DNAI1: variants seen among roughly 807,000 people sequenced by gnomAD.
The protein encoded by DNAI1 is dynein axonemal intermediate chain 1.
DNAI1 carries 67 observed loss-of-function variants against 92.0 expected under a neutral mutation model. The ratio of observed to expected loss-of-function variants is 0.73; its 90% CI spans 0.60 to 0.89. The LOEUF is 0.89. Among genes scored for constraint, DNAI1 ranks in the 40% least tolerant of loss-of-function variants. The pLI is 0.00. For missense variants in DNAI1, 839 were observed against 866.6 expected (o/e 0.97, Z 0.40); for synonymous variants, 323 against 319.6 (o/e 1.01, Z -0.11).
chr9:34,500,242 G>GC (rs1281959789), intron 10 of DNAI1, among the ~76,000 whole-genome samples: 1 of 152,142 alleles, frequency 6.6e-6, no homozygotes, highest in African/African-American at 2.4e-5. Flanking sequence ...GGGGATCTAG[G>GC]CAGCTTCATT....
At chr9:34,499,268 T>G (rs1824780582) in intron 10 of DNAI1, among the ~76,000 whole-genome samples, 1 of 152,218 alleles carries the variant, frequency 6.6e-6, no homozygotes, top group South Asian at 2.1e-4. Flanking sequence ...TTTTTGAGGT[T>G]TGAGTGAAGT....
At chr9:34,493,447 G>T in intron 9 of DNAI1, 119 bp downstream of exon 9, 2 of 1,385,648 alleles carry the variant, frequency 1.4e-6, no homozygotes, top group Non-Finnish European at 2.0e-6. Flanking sequence ...AGGGACTAAT[G>T]TTGAGATATA....
intron 13 of DNAI1, among the ~76,000 whole-genome samples, chr9:34,510,357 G>A (rs1270959909): frequency 6.6e-6 from 1 of 152,218 alleles, no homozygotes; most frequent in Middle Eastern, 3.2e-3. Flanking sequence ...GGGTGTGTGT[G>A]TGTGTGCGTG....
chr9:34,459,159 C>T, intron 1 of DNAI1, 106 bp downstream of exon 1: 1 of 1,111,026 alleles, frequency 9.0e-7, no homozygotes, highest in Non-Finnish European at 1.4e-6. Flanking sequence ...CTGTTGACCC[C>T]AGCCTTCTCA....
chr9:34,470,883 A>G (rs762982136), intron 1 of DNAI1, among the ~76,000 whole-genome samples: 35 of 152,226 alleles, frequency 2.3e-4, no homozygotes, highest in Non-Finnish European at 4.3e-4. Flanking sequence ...ACTTAATTCA[A>G]ATTCAACATC....
chr9:34,483,332 T>A, intron 1 of DNAI1, 116 bp from the exon 2 acceptor site: 1 of 1,001,812 alleles, frequency 1.0e-6, no homozygotes, highest in Non-Finnish European at 1.5e-6. Context: ...CAGCACGCTG[T>A]CACCTCTCAC....
At chr9:34,503,420 A>G (rs1311321880) in intron 12 of DNAI1, among the ~76,000 whole-genome samples, 1 of 152,162 alleles carries the variant, frequency 6.6e-6, no homozygotes, top group Non-Finnish European at 1.5e-5. Context: ...AAGCTCCCAG[A>G]TACCACCCTC....
At chr9:34,502,554 G>C (rs142838771) in intron 12 of DNAI1, among the ~76,000 whole-genome samples, 3 of 152,128 alleles carry the variant, frequency 2.0e-5, no homozygotes, top group African/African-American at 7.2e-5. Context: ...ACCCAGGTTC[G>C]GAAGCAGGCT....
chr9:34,500,710 T>C lies in DNAI1; in HGVS notation c.902-12T>C. 1.2e-6 allele frequency: 2 copies of C among 1,600,722 alleles called. No individual in the cohort carries two copies. Among genetic ancestry groups the C allele is most frequent in the Non-Finnish European group, 1.7e-6 (2 of 1,168,498 alleles). ...GCAGTCCCAGGGCTGACTCTGCCTG[T>C]GTGTGTTTAAGATTTTAAGTACTAT... On this transcript the variant is annotated splice_polypyrimidine_tract_variant and intron_variant, in intron 10 of 19. Transcript: ENST00000242317.
intron 9 of DNAI1, among the ~76,000 whole-genome samples, chr9:34,495,034 A>C (rs899935731): frequency 6.6e-6 from 1 of 152,176 alleles, no homozygotes; most frequent in East Asian, 1.9e-4. Flanking sequence ...AGGGGAGAAA[A>C]GATAAAAACT....
intron 14 of DNAI1, 30 bp from the exon 15 acceptor site, chr9:34,512,307 C>T: frequency 2.5e-6 from 4 of 1,612,756 alleles, no homozygotes; most frequent in African/African-American, 1.3e-5. Flanking sequence ...ACGTGCCCTC[C>T]CCCCCACATC....
At chr9:34,470,756 A>G (rs181423537) in intron 1 of DNAI1, among the ~76,000 whole-genome samples, 1 of 152,354 alleles carries the variant, frequency 6.6e-6, no homozygotes, top group East Asian at 1.9e-4. Flanking sequence ...ACTATACTCA[A>G]GAACAGTAGA....
At position 34,513,109 on chromosome 9, in the gene DNAI1, A is replaced by G. The variant is rs1825102149; in HGVS notation, c.1490-3A>G. ...TAAGCCTGCCCCTCCCTCTTTTCCCAAGGTTGTGGCACTGCCTTTGACTTC... is the reference window on the plus strand; with the variant it reads ...TAAGCCTGCCCCTCCCTCTTTTCCCGAGGTTGTGGCACTGCCTTTGACTTC... On this transcript the variant is annotated splice_region_variant and splice_polypyrimidine_tract_variant and intron_variant, in intron 15 of 19. Coordinates refer to ENST00000242317, the MANE Select transcript of DNAI1 (RefSeq NM_012144.4). 4 of 1,613,414 alleles carry G rather than the reference A, an allele frequency of 2.5e-6. No individual in the cohort carries two copies. Among genetic ancestry groups the G allele is most frequent in the Non-Finnish European group, 3.4e-6 (4 of 1,179,600 alleles).
chr9:34,479,870 C>G (rs72735238), intron 1 of DNAI1, among the ~76,000 whole-genome samples: 7,560 of 152,252 alleles, frequency 0.05, 274 homozygotes, highest in Non-Finnish European at 0.065. Context: ...TTCTCTTTCC[C>G]TGGAATTCCT....
chr9:34,486,500 A>G (rs965524958), intron 4 of DNAI1, among the ~76,000 whole-genome samples: 74 of 152,264 alleles, frequency 4.9e-4, no homozygotes, highest in African/African-American at 1.8e-3. Context: ...ATAGAAACCT[A>G]TGGTACAAAT....
At chr9:34,468,778 G>T (rs887809118) in intron 1 of DNAI1, among the ~76,000 whole-genome samples, 6 of 151,496 alleles carry the variant, frequency 4.0e-5, no homozygotes, top group African/African-American at 1.2e-4. Context: ...GTGAGCTGCG[G>T]CTGTGCCACT....
rs1183545222 is a variant in DNAI1 at position 34,512,429 on chromosome 9, G to C, written c.1489+5G>C. The C allele has an allele frequency of 1.2e-6, 2 of 1,614,008 alleles. No homozygotes were observed. The highest frequency in any genetic ancestry group is 2.2e-5 in the East Asian group (1 of 44,872). On this transcript the variant is annotated splice_donor_5th_base_variant and intron_variant, in intron 15 of 19. Coordinates refer to ENST00000242317, the MANE Select transcript of DNAI1 (RefSeq NM_012144.4). ...GGTTGCAGCTGCACCCAGTGGGTAGGAGCCCCAGCCCTCTCACCTCCAGGC... is the reference window on the plus strand; with the variant it reads ...GGTTGCAGCTGCACCCAGTGGGTAGCAGCCCCAGCCCTCTCACCTCCAGGC...
intron 16 of DNAI1, 29 bp from the exon 17 acceptor site, chr9:34,514,365 C>T (rs1473757372): frequency 6.2e-7 from 1 of 1,611,542 alleles, no homozygotes; most frequent in East Asian, 2.2e-5. Context: ...CTTTCTCTCA[C>T]TTCTGACCCC....
chr9:34,506,822 C>T lies in DNAI1; in HGVS notation c.1259C>T (p.Pro420Leu). Reference sequence around the variant, plus strand: ...AACCTCAAGAAGCCCCACTCCCAGCCCTCCTTCTGCAGCTCAGCCAAGTCT... The same window carrying T: ...AACCTCAAGAAGCCCCACTCCCAGCTCTCCTTCTGCAGCTCAGCCAAGTCT... The part of the protein sequence containing the change: ...IYNLKKPHSQ[P>L]SFCSSAKSGK... Residue 420 changes from proline to leucine, a missense_variant, in exon 13 of 20, where the codon CCC becomes CTC. Pro to Leu is a moderately conservative substitution (Grantham distance 98, BLOSUM62 -3). Coordinates refer to ENST00000242317, the MANE Select transcript of DNAI1 (RefSeq NM_012144.4). 1 of 1,614,152 alleles carries T rather than the reference C, an allele frequency of 6.2e-7. No individual in the cohort carries two copies. The highest frequency in any genetic ancestry group is 8.5e-7 in the Non-Finnish European group (1 of 1,180,048).
Sources: gnomAD v4.1 joint callset for allele counts (sites outside exome capture counted in the v4.1 genomes callset) on GRCh38, gnomAD v4.1.1 for gene constraint, MANE v1.5 for transcripts, NCBI Gene and HGNC (gene_info 2026-07-23, HGNC 2026-07-21) for gene names.